The following SRGAP3 variants were observed in gnomAD, a reference collection of about 807,000 sequenced individuals.
SRGAP3 encodes SLIT-ROBO Rho GTPase-activating protein 3.
A neutral mutation model predicts 121.1 loss-of-function variants in SRGAP3; 39 were observed. The observed-to-expected ratio is 0.32, with a 90% CI of 0.25 to 0.42. SRGAP3 has a LOEUF of 0.42. Among genes scored for constraint, SRGAP3 ranks in the 10% least tolerant of loss-of-function variants. The probability of loss-of-function intolerance (pLI) is 1.00; values close to 1 mark genes in which losing one functional copy is unlikely to be tolerated. For missense variants in SRGAP3, 1,213 were observed against 1,470.6 expected (o/e 0.82, Z 2.86); for synonymous variants, 601 against 570.0 (o/e 1.05, Z -0.77).
intron 1 of SRGAP3, among the ~76,000 whole-genome samples, chr3:9,125,503 T>TGGGTTTCAGTGTTATTTAAGGC (rs1949189157): frequency 6.6e-6 from 1 of 152,244 alleles, no homozygotes; most frequent in Admixed American, 6.5e-5. Context: ...TTTTCCCTCG[T>TGGGTTTCAGTGTTATTTAAGGC]GGGTTTCAGT....
intron 1 of SRGAP3, among the ~76,000 whole-genome samples, chr3:9,245,587 C>T (rs1291526803): frequency 6.6e-6 from 1 of 152,224 alleles, no homozygotes; most frequent in Non-Finnish European, 1.5e-5. Context: ...AACTATAGAA[C>T]CAATAAGTAG....
At chr3:9,305,809 T>C (rs954384442) in intron 3 of SRGAP3, among the ~76,000 whole-genome samples, 3 of 152,250 alleles carry the variant, frequency 2.0e-5, no homozygotes, top group Non-Finnish European at 2.9e-5. Context: ...CAGTCTATCA[T>C]TGATAGACAT....
At chr3:8,997,528 C>T (rs1272100093) in intron 18 of SRGAP3, among the ~76,000 whole-genome samples, 2 of 152,220 alleles carry the variant, frequency 1.3e-5, no homozygotes, top group Non-Finnish European at 2.9e-5. Flanking sequence ...TGTCTTCCCA[C>T]TGCTCATAAG....
chr3:9,226,372 T>G (rs1370862574), intron 1 of SRGAP3, among the ~76,000 whole-genome samples: 1 of 152,134 alleles, frequency 6.6e-6, no homozygotes, highest in Non-Finnish European at 1.5e-5. Flanking sequence ...AGAACAAATC[T>G]CCCTCTGATG....
chr3:9,058,265 G>A lies in SRGAP3; in HGVS notation c.1009C>T (p.His337Tyr), dbSNP rs746262845. The change falls in exon 7 of 22, where the codon CAC becomes TAC. Residue 337 changes from histidine to tyrosine, a missense_variant. Physicochemically the swap from His to Tyr is moderately conservative, Grantham distance 83. Coordinates refer to ENST00000383836, the MANE Select transcript of SRGAP3 (RefSeq NM_014850.4). Reference protein sequence around the residue: ...CPPLKFEFQPHMGDEVCQVSA... With the variant: ...CPPLKFEFQPYMGDEVCQVSA... ...AGGAAGCCTACCTCATCCCCCATGT[G>A]GGGCTGGAACTCGAACTTGAGTGGA... 3.7e-6 allele frequency: 6 copies of A among 1,614,216 alleles called. No homozygotes were observed. The highest frequency in any genetic ancestry group is 5.1e-6 in the Non-Finnish European group (6 of 1,180,046).
chr3:9,358,369 C>G (rs576040870), intron 1 of SRGAP3, among the ~76,000 whole-genome samples: 1 of 152,254 alleles, frequency 6.6e-6, no homozygotes, highest in South Asian at 2.1e-4. Context: ...TCTGGCATCT[C>G]AGCATAGTGT....
At chr3:9,039,980 A>G (rs1309384458) in intron 10 of SRGAP3, among the ~76,000 whole-genome samples, 2 of 152,178 alleles carry the variant, frequency 1.3e-5, no homozygotes, top group African/African-American at 2.4e-5. Context: ...CAATATCTCA[A>G]TAAGTGGATA....
intron 1 of SRGAP3, among the ~76,000 whole-genome samples, chr3:9,191,859 G>GT (rs1338956645): frequency 6.6e-6 from 1 of 152,086 alleles, no homozygotes; most frequent in Non-Finnish European, 1.5e-5. Flanking sequence ...GTGAGTTCTG[G>GT]TTATTTAAAA....
At chr3:9,046,107 T>TC (rs1230427756) in intron 10 of SRGAP3, among the ~76,000 whole-genome samples, 5 of 151,558 alleles carry the variant, frequency 3.3e-5, no homozygotes, top group African/African-American at 4.9e-5. Flanking sequence ...AACTGAGTCT[T>TC]CCCCCCTCCT....
chr3:9,132,318 C>T (rs565363871), intron 1 of SRGAP3, among the ~76,000 whole-genome samples: 1 of 152,272 alleles, frequency 6.6e-6, no homozygotes, highest in East Asian at 1.9e-4. Context: ...TGGGTTTTGA[C>T]AAACGTCTAA....
At chr3:9,268,203 G>A (rs1346339705) in intron 3 of SRGAP3, among the ~76,000 whole-genome samples, 1 of 152,064 alleles carries the variant, frequency 6.6e-6, no homozygotes, top group Non-Finnish European at 1.5e-5. Flanking sequence ...TTGGAGATAG[G>A]GCCTCTGGGA....
chr3:9,205,441 T>C (rs1560414883), intron 1 of SRGAP3, among the ~76,000 whole-genome samples: 1 of 152,258 alleles, frequency 6.6e-6, no homozygotes, highest in Admixed American at 6.5e-5. Flanking sequence ...GTGGCTACCA[T>C]GTTGGATGGT....
chr3:9,118,884 C>T (rs554748971), intron 2 of SRGAP3, among the ~76,000 whole-genome samples: 3 of 152,216 alleles, frequency 2.0e-5, no homozygotes, highest in African/African-American at 7.2e-5. Flanking sequence ...ACACTTCACC[C>T]AGATGGCCTC....
At position 9,186,951 on chromosome 3, in the gene SRGAP3, G is replaced by A. The variant is rs577739781; in HGVS notation, c.67+61934C>T. ...GTTCTTACTTTTCCTTCAGCAAAAAGTTTTTTGTTTTTAAAATTTTTTTTA... is the reference window on the plus strand; with the variant it reads ...GTTCTTACTTTTCCTTCAGCAAAAAATTTTTTGTTTTTAAAATTTTTTTTA... On this transcript the variant is annotated intron_variant, in intron 1 of 21. Coordinates refer to ENST00000383836, the MANE Select transcript of SRGAP3 (RefSeq NM_014850.4). Among the ~76,000 whole-genome samples, 3 of 152,260 alleles carry A rather than the reference G, an allele frequency of 2.0e-5. No individual in the cohort carries two copies. The South Asian group carries it at 6.2e-4, about 32-fold the overall frequency.
chr3:9,277,055 T>C (rs867181075), intron 3 of SRGAP3, among the ~76,000 whole-genome samples: 1 of 152,242 alleles, frequency 6.6e-6, no homozygotes, highest in African/African-American at 2.4e-5. Flanking sequence ...TTTTCTCATA[T>C]AGCATATGGA....
intron 1 of SRGAP3, chr3:9,362,782 T>C (rs1238382021): frequency 6.6e-6 from 1 of 152,116 alleles, no homozygotes; most frequent in Non-Finnish European, 1.5e-5. Flanking sequence ...TGCCACTTCA[T>C]AGGTGCTAGA....
At chr3:9,126,310 G>A (rs1949225049) in intron 1 of SRGAP3, among the ~76,000 whole-genome samples, 1 of 152,184 alleles carries the variant, frequency 6.6e-6, no homozygotes, top group Non-Finnish European at 1.5e-5. Flanking sequence ...AGACATCTGG[G>A]TGTCAAAAGG....
At chr3:9,349,000 C>G in intron 1 of SRGAP3, 1 of 929,520 alleles carries the variant, frequency 1.1e-6, no homozygotes, top group Non-Finnish European at 1.8e-6. Context: ...CCCATGGCAA[C>G]AGCCCCCCGG....
intron 3 of SRGAP3, among the ~76,000 whole-genome samples, chr3:9,308,311 T>C (rs565030647): frequency 6.6e-6 from 1 of 152,346 alleles, no homozygotes; most frequent in African/African-American, 2.4e-5. Context: ...TGGTCTGTGT[T>C]GTTTGGGTGT....
Sources: allele counts gnomAD v4.1 joint callset (sites outside exome capture counted in the v4.1 genomes callset), GRCh38; gene constraint gnomAD v4.1.1; transcripts MANE v1.5; gene names NCBI Gene and HGNC (gene_info 2026-07-23, HGNC 2026-07-21).